EEF2K: variants seen among roughly 807,000 people sequenced by gnomAD.
EEF2K encodes alternative protein EEF2K.
Under a neutral mutation model 93.8 loss-of-function variants are expected in EEF2K, and 70 were observed. That is an observed-to-expected ratio of 0.75 (90% CI 0.62 to 0.91). The LOEUF (loss-of-function observed/expected upper bound fraction) is 0.91. EEF2K is among the 40% of genes least tolerant of loss of function. EEF2K has a pLI of 0.00. For synonymous variants in EEF2K, 376 were observed against 380.8 expected, an observed-to-expected ratio of 0.99 and a Z score of 0.15; for missense variants, 935 against 972.9, an observed-to-expected ratio of 0.96 and a Z score of 0.52.
chr16:22,252,440 G>A (rs2047360702), intron 6 of EEF2K, among the ~76,000 whole-genome samples: 1 of 152,174 alleles, frequency 6.6e-6, no homozygotes, highest in African/African-American at 2.4e-5. Context: ...TTCCCCAGAA[G>A]TTCCAATAAA....
Position 22,206,290 on chromosome 16 carries a change from CCAGCCCCAGCTT to C in EEF2K, c.-460_-449del, listed in dbSNP as rs1041336945. 3 of 151,772 alleles carry C rather than the reference CCAGCCCCAGCTT, an allele frequency of 2.0e-5. No individual in the cohort carries two copies. The highest frequency in any genetic ancestry group is 4.4e-5 in the Non-Finnish European group (3 of 68,172). 9.4% of individuals were successfully genotyped at this position (151,772 alleles called of 1,614,324 possible). On this transcript the variant is annotated 5_prime_UTR_variant, in exon 1 of 18. Transcript: ENST00000263026. ...CCCGCCCGCTTCTGCTCAACCTAGACCAGCCCCAGCTTCAGCCTCAGCTCCCCTCCTTCCTGG... is the reference window on the plus strand; with the variant it reads ...CCCGCCCGCTTCTGCTCAACCTAGACCAGCCTCAGCTCCCCTCCTTCCTGG...
At chr16:22,237,172 T>C (rs1363296680) in intron 2 of EEF2K, among the ~76,000 whole-genome samples, 1 of 151,210 alleles carries the variant, frequency 6.6e-6, no homozygotes, top group South Asian at 2.1e-4. Context: ...CTCAAACTCC[T>C]GGCCTCAAGT....
chr16:22,255,308 C>T (rs2141672594), intron 6 of EEF2K, among the ~76,000 whole-genome samples: 1 of 152,308 alleles, frequency 6.6e-6, no homozygotes, highest in Non-Finnish European at 1.5e-5. Flanking sequence ...GTGTGGAGGT[C>T]TTGCATTGGT....
Position 22,225,841 on chromosome 16 carries a change from T to C in EEF2K, c.112T>C (p.Phe38Leu). ...GGACAGCGACGATGAGGAAGGTTAC[T>C]TCATCTGCCCCATCACGGATGACCC... Reference protein sequence around the residue: ...DGDSDDEEGYFICPITDDPSS... With the variant: ...DGDSDDEEGYLICPITDDPSS... The change falls in exon 2 of 18, where the codon TTC becomes CTC. Residue 38 changes from phenylalanine (F) to leucine (L), a missense_variant. Physicochemically the swap from Phe to Leu is conservative, Grantham distance 22. Transcript: ENST00000263026. 1.2e-6 allele frequency: 2 copies of C among 1,614,226 alleles called. No homozygotes were observed. The highest frequency in any genetic ancestry group is 1.7e-6 in the Non-Finnish European group (2 of 1,180,040).
chr16:22,263,395 C>T (rs1294390746), intron 12 of EEF2K: 1 of 280,388 alleles, frequency 3.6e-6, no homozygotes, highest in African/African-American at 2.3e-5. Context: ...GATCACCTGA[C>T]ATCAGGAGTT....
rs200099793 is a variant in EEF2K at position 22,258,508 on chromosome 16, C to T, written c.1044C>T (p.Thr348=). The change falls in exon 10 of 18, where the codon ACC becomes ACT. Residue 348 remains threonine (T), a synonymous_variant. Transcript: ENST00000263026. ...AATGTCCCTAGCAATCAGCCAAGAC[C>T]ATCTTGAGAGGAACAGAGGAAAAAT... ...QNTKLLQSAK[T]ILRGTEEKCG... is the part of the protein sequence containing the mutation. 1.2e-6 allele frequency: 2 copies of T among 1,614,000 alleles called. No homozygotes were observed. Among genetic ancestry groups the T allele is most frequent in the African/African-American group, 1.3e-5 (1 of 74,982 alleles).
chr16:22,259,967 G>T (rs918192768), intron 10 of EEF2K, among the ~76,000 whole-genome samples: 4 of 152,160 alleles, frequency 2.6e-5, no homozygotes, highest in African/African-American at 9.6e-5. Flanking sequence ...TGGCCAGATT[G>T]GTCTTGAACT....
chr16:22,263,925 T>C (rs988428182), intron 12 of EEF2K, among the ~76,000 whole-genome samples: 1 of 152,200 alleles, frequency 6.6e-6, no homozygotes, highest in Non-Finnish European at 1.5e-5. Context: ...GGTCTTACCC[T>C]GTGCTGAAAT....
At chr16:22,257,801 G>A (rs34547071) in intron 9 of EEF2K, 31 bp downstream of exon 9, 44,583 of 1,608,346 alleles carry the variant, frequency 0.028, 854 homozygotes, top group South Asian at 0.066. Context: ...TGCTTGGCCT[G>A]GCAGGCCCTT....
intron 1 of EEF2K, among the ~76,000 whole-genome samples, chr16:22,215,535 A>T (rs2046950415): frequency 6.6e-6 from 1 of 152,174 alleles, no homozygotes. Flanking sequence ...GTTTATGAGC[A>T]CCCATTATAT....
In EEF2K at chr16:22,266,531, G is replaced by T. The variant is rs1210560133; in HGVS notation, c.1575+7G>T. 6.2e-7 allele frequency: 1 copy of T among 1,613,956 alleles called. No homozygotes were observed. The highest frequency in any genetic ancestry group is 1.1e-5 in the South Asian group (1 of 91,080). ...GAAGTCCATTTTGGGGAAGGTATCG[G>T]CGATGCCCATTTTGGAGCCCTGTCT... On this transcript the variant is annotated splice_region_variant and intron_variant, in intron 14 of 17. Coordinates refer to ENST00000263026, the MANE Select transcript of EEF2K (RefSeq NM_013302.5).
intron 12 of EEF2K, among the ~76,000 whole-genome samples, chr16:22,263,592 CAG>C (rs1435600551): frequency 1.3e-5 from 2 of 152,046 alleles, no homozygotes; most frequent in African/African-American, 4.8e-5. Flanking sequence ...CTGGGTGACA[CAG>C]TGAACTTTGT....
At chr16:22,217,558 C>T (rs1348368635) in intron 1 of EEF2K, among the ~76,000 whole-genome samples, 1 of 152,150 alleles carries the variant, frequency 6.6e-6, no homozygotes, top group African/African-American at 2.4e-5. Context: ...ATTCTCCCAC[C>T]TCAGCTTCCC....
At chr16:22,217,468 G>C (rs1189938366) in intron 1 of EEF2K, among the ~76,000 whole-genome samples, 1 of 151,944 alleles carries the variant, frequency 6.6e-6, no homozygotes, top group African/African-American at 2.4e-5. Flanking sequence ...GGTTTGGACA[G>C]AGTCTCACTC....
At chr16:22,229,714 G>T (rs2047097436) in intron 2 of EEF2K, among the ~76,000 whole-genome samples, 1 of 151,936 alleles carries the variant, frequency 6.6e-6, no homozygotes, top group Non-Finnish European at 1.5e-5. Flanking sequence ...AAAAGAAGAG[G>T]GGGAAAGGCG....
chr16:22,271,026 G>A (rs141187063), intron 15 of EEF2K, among the ~76,000 whole-genome samples: 3 of 148,924 alleles, frequency 2.0e-5, no homozygotes, highest in African/African-American at 7.5e-5. Context: ...CTGGAGTGCA[G>A]TGGCATGATC....
intron 2 of EEF2K, among the ~76,000 whole-genome samples, chr16:22,226,517 C>CTTCTTTTTT (rs1555469266): frequency 2.8e-5 from 3 of 106,900 alleles, no homozygotes; most frequent in East Asian, 3.3e-4. Context: ...CCTTCTTCTT[C>CTTCTTTTTT]TTTTTTTTTT....
Position 22,221,523 on chromosome 16 carries a change from A to G in EEF2K, c.-76-4131A>G, listed in dbSNP as rs115388608. 4.5e-3 allele frequency among the ~76,000 whole-genome samples: 686 copies of G among 152,200 alleles called. 4 individuals carry two copies. Among genetic ancestry groups the G allele is most frequent in the African/African-American group, 0.016 (654 of 41,538 alleles). On this transcript the variant is annotated intron_variant, in intron 1 of 17. Coordinates refer to ENST00000263026, the MANE Select transcript of EEF2K (RefSeq NM_013302.5). ...CGCATTATACAAAGTAAGGCTAAGC[A>G]CAATTTCTTGAAATTTTACTGTCCA...
At position 22,223,383 on chromosome 16, in the gene EEF2K, A is replaced by G. The variant is rs538958136; in HGVS notation, c.-76-2271A>G. Among the ~76,000 whole-genome samples, 3 of 151,540 alleles carry G rather than the reference A, an allele frequency of 2.0e-5. No homozygotes were observed. In the East Asian group the frequency reaches 5.8e-4, roughly 29 times the overall value. Reference sequence around the variant, plus strand: ...AACCTCTGCCTCCCAGGCTCAGGCAATTCTCTCACCTCAGCCTCCCAAGTA... The same window carrying G: ...AACCTCTGCCTCCCAGGCTCAGGCAGTTCTCTCACCTCAGCCTCCCAAGTA... On this transcript the variant is annotated intron_variant, in intron 1 of 17. Coordinates refer to ENST00000263026, the MANE Select transcript of EEF2K (RefSeq NM_013302.5).
Sources: allele counts gnomAD v4.1 joint callset (sites outside exome capture counted in the v4.1 genomes callset), GRCh38; gene constraint gnomAD v4.1.1; transcripts MANE v1.5; gene names NCBI Gene and HGNC (gene_info 2026-07-23, HGNC 2026-07-21).